Variants in S100A8 observed in about 807,000 individuals in gnomAD.
S100A8 encodes the protein protein S100-A8.
A neutral mutation model predicts 4.2 loss-of-function variants in S100A8; 1 was observed. That is an observed-to-expected ratio of 0.24 (90% CI 0.08 to 1.12). S100A8 has a LOEUF of 1.12. Among genes scored for constraint, S100A8 ranks in the 50% most tolerant of loss-of-function variants. The pLI, the probability that S100A8 is intolerant of heterozygous loss-of-function variation, is 0.53. For synonymous variants in S100A8, 41 were observed against 44.7 expected (o/e 0.92, Z 0.33); for missense variants, 96 against 111.8 (o/e 0.86, Z 0.64).
At chr1:153,397,563 C>T in the S100A8 span, among the ~76,000 whole-genome samples, 2 of 152,082 alleles carry the variant, frequency 1.3e-5, no homozygotes, top group Admixed American at 1.3e-4. Flanking sequence ...AGCACGGGGA[C>T]AGAGTGGGAA....
chr1:153,390,568 G>A lies in S100A8; in HGVS notation c.-22-11C>T, dbSNP rs1464437710. 3.1e-6 allele frequency: 5 copies of A among 1,613,438 alleles called. No homozygotes were observed. In the South Asian group the frequency reaches 3.3e-5, roughly 11 times the overall value. ...ACGGACTTGCCCCACCTGAAAAACAGAACCTTCTGGGGAATCCCATGGCAG... is the reference window on the plus strand; with the variant it reads ...ACGGACTTGCCCCACCTGAAAAACAAAACCTTCTGGGGAATCCCATGGCAG... On this transcript the variant is annotated splice_polypyrimidine_tract_variant and intron_variant, in intron 1 of 2. Coordinates refer to ENST00000368733, the MANE Select transcript of S100A8 (RefSeq NM_002964.5).
At chr1:153,422,568 T>C in the S100A8 span, 14 of 983,482 alleles carry the variant, frequency 1.4e-5, no homozygotes, top group Admixed American at 8.6e-4. Context: ...TCCCCAGAAA[T>C]TCTGATATCA....
chr1:153,417,935 T>TAA, the S100A8 span: 24 of 1,111,096 alleles, frequency 2.2e-5, no homozygotes, highest in African/African-American at 3.2e-5. Context: ...CCATCACATT[T>TAA]AAAAAAATCA....
At chr1:153,413,483 G>A in the S100A8 span, among the ~76,000 whole-genome samples, 70 of 152,300 alleles carry the variant, frequency 4.6e-4, 2 homozygotes, top group East Asian at 0.013. Flanking sequence ...GTTATCTGAC[G>A]ACTCTGTTGA....
chr1:153,401,548 C>A, the S100A8 span, among the ~76,000 whole-genome samples: 2 of 152,336 alleles, frequency 1.3e-5, no homozygotes, highest in East Asian at 3.9e-4. Flanking sequence ...GTCTTCATGT[C>A]TTTCCAGTGT....
At chr1:153,419,352 A>C in the S100A8 span, 1 of 1,581,944 alleles carries the variant, frequency 6.3e-7, no homozygotes, top group South Asian at 1.1e-5. Flanking sequence ...AGGAACAATA[A>C]GTGTCTCCTC....
chr1:153,391,126 C>T (rs1022038008), upstream of S100A8: 3 of 985,580 alleles, frequency 3.0e-6, no homozygotes, highest in Admixed American at 6.1e-5. Context: ...GCCAGCTGCC[C>T]ACAGCTTCAG....
At chr1:153,417,722 G>C in the S100A8 span, among the ~76,000 whole-genome samples, 2 of 152,162 alleles carry the variant, frequency 1.3e-5, no homozygotes, top group Admixed American at 6.5e-5. Flanking sequence ...CAAGAGTGGG[G>C]TCCGCCATGT....
chr1:153,397,919 C>T, the S100A8 span, among the ~76,000 whole-genome samples: 1 of 152,194 alleles, frequency 6.6e-6, no homozygotes, highest in East Asian at 1.9e-4. Flanking sequence ...CTGTGACCCC[C>T]ATGAGTGCAG....
the S100A8 span, chr1:153,416,561 C>G: frequency 2.1e-6 from 1 of 486,436 alleles, no homozygotes; most frequent in South Asian, 1.7e-5. Flanking sequence ...CTTCCCAGTT[C>G]TGGTAAGTCT....
chr1:153,401,386 C>T, the S100A8 span, among the ~76,000 whole-genome samples: 2 of 152,126 alleles, frequency 1.3e-5, no homozygotes, highest in Non-Finnish European at 2.9e-5. Flanking sequence ...CTTCCAGAAA[C>T]TCATAGTCTG....
chr1:153,410,782 C>A, the S100A8 span, among the ~76,000 whole-genome samples: 876 of 152,278 alleles, frequency 5.8e-3, 7 homozygotes, highest in African/African-American at 0.021. Flanking sequence ...AGCTTATCCA[C>A]CGTGATCAAG....
rs1662074453 is a variant in S100A8, at chr1:153,390,755, T to A, written c.-22-198A>T. The A allele has an allele frequency of 2.7e-5, 18 of 676,332 alleles. No individual in the cohort carries two copies. The East Asian group carries it at 5.1e-4, about 19-fold the overall frequency. 41.9% of individuals were successfully genotyped at this position (676,332 alleles called of 1,614,324 possible). A position where few individuals can be genotyped will look rare whatever the true frequency, so the allele number is the denominator to read the frequency against. On this transcript the variant is annotated intron_variant, in intron 1 of 2. Transcript: ENST00000368733. ...CACGTGTGGGAAGGGGAAGGGTCCA[T>A]TCACACAGAGACATGTGCACACACA...
the S100A8 span, among the ~76,000 whole-genome samples, chr1:153,408,764 C>T: frequency 6.6e-6 from 1 of 152,228 alleles, no homozygotes; most frequent in Non-Finnish European, 1.5e-5. Context: ...GCCCATCACA[C>T]TAACAGAGGA....
the S100A8 span, chr1:153,420,396 G>A: frequency 2.0e-5 from 3 of 152,148 alleles, no homozygotes; most frequent in Admixed American, 6.5e-5. Context: ...CTTCCTTGAG[G>A]CTCACATCAT....
At chr1:153,415,840 C>T in the S100A8 span, among the ~76,000 whole-genome samples, 1 of 152,282 alleles carries the variant, frequency 6.6e-6, no homozygotes, top group East Asian at 1.9e-4. Flanking sequence ...ATCCTGCTTC[C>T]CTCCCTGGAC....
At chr1:153,396,258 G>A in the S100A8 span, among the ~76,000 whole-genome samples, 1 of 152,256 alleles carries the variant, frequency 6.6e-6, no homozygotes, top group Admixed American at 6.5e-5. Flanking sequence ...GGAGATAGAA[G>A]CTGTTTCTTC....
the S100A8 span, among the ~76,000 whole-genome samples, chr1:153,398,705 G>A: frequency 6.6e-6 from 1 of 152,208 alleles, no homozygotes; most frequent in East Asian, 1.9e-4. Context: ...CATGGAGCCA[G>A]CCAGGCACCA....
the S100A8 span, chr1:153,419,286 C>T: frequency 6.2e-7 from 1 of 1,614,188 alleles, no homozygotes; most frequent in South Asian, 1.1e-5. Flanking sequence ...TGGAGCGGCG[C>T]CCTGTTCTGG....
Sources: gnomAD v4.1 joint callset for allele counts (sites outside exome capture counted in the v4.1 genomes callset) on GRCh38, gnomAD v4.1.1 for gene constraint, MANE v1.5 for transcripts, NCBI Gene and HGNC (gene_info 2026-07-23, HGNC 2026-07-21) for gene names.